The following ROCK2 variants were observed in gnomAD, a reference collection of about 807,000 sequenced individuals.
ROCK2 encodes rho-associated protein kinase 2.
ROCK2 carries 61 observed loss-of-function variants against 195.1 expected under a neutral mutation model. The observed-to-expected ratio is 0.31, with a 90% CI of 0.25 to 0.39. The LOEUF is 0.39. ROCK2 is among the 10% of genes least tolerant of loss of function. The pLI is 1.00. For missense variants in ROCK2, 1,109 were observed against 1,637.4 expected, an observed-to-expected ratio of 0.68 and a Z score of 5.57; for synonymous variants, 504 against 545.5, an observed-to-expected ratio of 0.92 and a Z score of 1.06.
chr2:11,213,187 T>A (rs1438349202), intron 17 of ROCK2, among the ~76,000 whole-genome samples: 1 of 152,208 alleles, frequency 6.6e-6, no homozygotes, highest in African/African-American at 2.4e-5. Flanking sequence ...ACTGAAAAAG[T>A]CTACTGACCA....
At chr2:11,219,490 G>A (rs1281013564) in intron 9 of ROCK2, among the ~76,000 whole-genome samples, 3 of 152,064 alleles carry the variant, frequency 2.0e-5, no homozygotes, top group Admixed American at 1.3e-4. Flanking sequence ...TAGCCTGGGC[G>A]ACGAAGTGAG....
At chr2:11,258,768 A>G (rs1666123312) in intron 3 of ROCK2, among the ~76,000 whole-genome samples, 1 of 151,182 alleles carries the variant, frequency 6.6e-6, no homozygotes, top group Non-Finnish European at 1.5e-5. Flanking sequence ...GAGCTGTGAT[A>G]GGATGGGAGG....
chr2:11,329,681 T>C (rs1478102531), intron 1 of ROCK2, among the ~76,000 whole-genome samples: 1 of 128,696 alleles, frequency 7.8e-6, no homozygotes, highest in African/African-American at 2.6e-5. Flanking sequence ...TTTATAACTT[T>C]ACAGCCTCCC....
intron 1 of ROCK2, among the ~76,000 whole-genome samples, chr2:11,301,669 T>C (rs1667709631): frequency 6.6e-6 from 1 of 150,666 alleles, no homozygotes; most frequent in Non-Finnish European, 1.5e-5. Flanking sequence ...TTTCAGCTAC[T>C]TGGGAGGCTG....
chr2:11,183,546 C>A, intron 32 of ROCK2, 106 bp from the exon 33 acceptor site: 1 of 740,926 alleles, frequency 1.3e-6, no homozygotes, highest in South Asian at 2.0e-5. Flanking sequence ...ATATAGTCTT[C>A]CAGCTACTAT....
At chr2:11,236,949 G>A (rs1001271608) in intron 4 of ROCK2, among the ~76,000 whole-genome samples, 1 of 152,080 alleles carries the variant, frequency 6.6e-6, no homozygotes, top group Non-Finnish European at 1.5e-5. Flanking sequence ...TCAGGAGTTC[G>A]AGACCAGCCT....
intron 3 of ROCK2, among the ~76,000 whole-genome samples, chr2:11,285,972 T>C (rs531421490): frequency 6.6e-6 from 1 of 152,012 alleles, no homozygotes; most frequent in East Asian, 2.0e-4. Flanking sequence ...GGGTAAACGC[T>C]GTAGTGTGAA....
In ROCK2 at chr2:11,180,514, T is replaced by G. The variant is rs1013094086; in HGVS notation, c.*2923A>C. ...AACATGGTTTTTTAAAATTAATACTTTAAAAACATTCACTGTACATTAATT... is the reference window on the plus strand; with the variant it reads ...AACATGGTTTTTTAAAATTAATACTGTAAAAACATTCACTGTACATTAATT... On this transcript the variant is annotated 3_prime_UTR_variant, in exon 33 of 33. Transcript: ENST00000315872. The G allele has an allele frequency of 2.0e-5, 3 of 152,178 alleles. No individual in the cohort carries two copies. The highest frequency in any genetic ancestry group is 4.4e-5 in the Non-Finnish European group (3 of 68,032). The allele number at this position is 152,178 out of a possible 1,614,324, so 9.4% of individuals were successfully genotyped here.
chr2:11,281,346 CA>C (rs1189837744), intron 3 of ROCK2, among the ~76,000 whole-genome samples: 2 of 151,874 alleles, frequency 1.3e-5, no homozygotes, highest in African/African-American at 4.8e-5. Context: ...AGAACAAAAG[CA>C]AGGACATTTC....
intron 5 of ROCK2, among the ~76,000 whole-genome samples, chr2:11,229,635 CAAGA>C (rs763869353): frequency 1.5e-5 from 2 of 137,582 alleles, no homozygotes; most frequent in Non-Finnish European, 3.2e-5. Flanking sequence ...AAAAAAAAAA[CAAGA>C]AATGAACTTG....
chr2:11,344,209 C>A lies in ROCK2; in HGVS notation c.-73G>T. On this transcript the variant is annotated 5_prime_UTR_variant, in exon 1 of 33. Transcript: ENST00000315872. The surrounding 1 kb of genome is among the most constrained non-coding windows in gnomAD (Gnocchi z 5.4). ...CAGCCTCGGGGCCTAGCACCGCCCC[C>A]GAACCACCAGCTCCGGCCGGGACTC... 2.2e-6 allele frequency: 3 copies of A among 1,339,528 alleles called. No individual in the cohort carries two copies. The highest frequency in any genetic ancestry group is 2.9e-6 in the Non-Finnish European group (3 of 1,048,916). The allele number at this position is 1,339,528 out of a possible 1,614,324, so 83.0% of individuals were successfully genotyped here.
intron 1 of ROCK2, chr2:11,308,760 A>T (rs1460462963): frequency 4.3e-6 from 7 of 1,612,892 alleles, no homozygotes; most frequent in Non-Finnish European, 5.9e-6. Flanking sequence ...AAACACTACA[A>T]GCCTAAAAAA....
At chr2:11,200,456 A>G (rs1663810552) in intron 23 of ROCK2, among the ~76,000 whole-genome samples, 1 of 152,202 alleles carries the variant, frequency 6.6e-6, no homozygotes, top group Non-Finnish European at 1.5e-5. Context: ...TGCCACTCCC[A>G]TCATATATAC....
intron 4 of ROCK2, among the ~76,000 whole-genome samples, chr2:11,241,027 T>C (rs1484964700): frequency 2.0e-5 from 3 of 152,118 alleles, no homozygotes; most frequent in African/African-American, 4.8e-5. Flanking sequence ...GAAATAATAA[T>C]GTAGTTTTAT....
intron 1 of ROCK2, among the ~76,000 whole-genome samples, chr2:11,298,203 C>A (rs1667595714): frequency 6.6e-6 from 1 of 152,120 alleles, no homozygotes. Flanking sequence ...AGGCCAGGCA[C>A]AGTGGCCTGT....
chr2:11,336,989 T>A (rs1437779078), intron 1 of ROCK2, among the ~76,000 whole-genome samples: 1 of 152,206 alleles, frequency 6.6e-6, no homozygotes, highest in Non-Finnish European at 1.5e-5. Flanking sequence ...GTGCCTGTAA[T>A]CCCAGCACTT....
chr2:11,287,805 T>TTTA (rs1156552288), intron 1 of ROCK2, 69 bp from the exon 2 acceptor site: 2 of 566,468 alleles, frequency 3.5e-6, no homozygotes, highest in African/African-American at 3.9e-5. Flanking sequence ...AAAAGTCTTT[T>TTTA]AATTTTATTT....
intron 3 of ROCK2, among the ~76,000 whole-genome samples, chr2:11,265,478 G>A (rs1053524126): frequency 2.0e-5 from 3 of 152,074 alleles, no homozygotes; most frequent in African/African-American, 7.2e-5. Flanking sequence ...TTCCTAGAAT[G>A]AAAATGATTA....
chr2:11,338,549 T>C (rs932370252), intron 1 of ROCK2, among the ~76,000 whole-genome samples: 2 of 152,138 alleles, frequency 1.3e-5, no homozygotes, highest in South Asian at 2.1e-4. Context: ...TACATGCAAA[T>C]ACTAATGCCA....
Sources: allele counts gnomAD v4.1 joint callset (sites outside exome capture counted in the v4.1 genomes callset), GRCh38; gene constraint gnomAD v4.1.1; non-coding constraint Gnocchi (gnomAD v3.1); transcripts MANE v1.5; gene names NCBI Gene and HGNC (gene_info 2026-07-23, HGNC 2026-07-21).